Variants in PTPRB observed in about 807,000 individuals in gnomAD.
PTPRB encodes the protein receptor-type tyrosine-protein phosphatase beta.
In PTPRB, 97 loss-of-function variants were observed where a neutral mutation model predicts 238.1. That is an observed-to-expected ratio of 0.41 (90% CI 0.35 to 0.48). PTPRB has a LOEUF of 0.48. PTPRB is among the 20% of genes least tolerant of loss of function. The pLI is 0.30. For synonymous variants in PTPRB, 970 were observed against 995.4 expected (o/e 0.97, Z 0.48); for missense variants, 2,292 against 2,681.9 (o/e 0.85, Z 3.21).
intron 4 of PTPRB, among the ~76,000 whole-genome samples, chr12:70,597,197 C>T (rs1474181394): frequency 6.6e-6 from 1 of 152,166 alleles, no homozygotes; most frequent in African/African-American, 2.4e-5. Context: ...GCTGGGATTA[C>T]AGGCATGAGC....
At chr12:70,586,145 T>A (rs1014244643) in intron 9 of PTPRB, among the ~76,000 whole-genome samples, 1 of 152,146 alleles carries the variant, frequency 6.6e-6, no homozygotes, top group African/African-American at 2.4e-5. Context: ...TGATTTATAA[T>A]CTTTTGGGTA....
chr12:70,571,618 T>G (rs1880059442), intron 12 of PTPRB, among the ~76,000 whole-genome samples: 1 of 152,240 alleles, frequency 6.6e-6, no homozygotes, highest in South Asian at 2.1e-4. Context: ...TTTAGCCTTC[T>G]TGCTCCCTCA....
At chr12:70,625,231 C>A (rs889013264) in intron 2 of PTPRB, among the ~76,000 whole-genome samples, 1 of 152,146 alleles carries the variant, frequency 6.6e-6, no homozygotes, top group South Asian at 2.1e-4. Context: ...TAACATTCAA[C>A]TTCCAAGTTT....
Position 70,596,275 on chromosome 12 carries a change from G to C in PTPRB, c.1032C>G (p.Thr344=). 6.2e-7 allele frequency: 1 copy of C among 1,610,892 alleles called. No homozygotes were observed. The highest frequency in any genetic ancestry group is 1.1e-5 in the South Asian group (1 of 90,688). ...FGVSKEKTTS[T]SLHVWWTPSS... ...AAGGAGTCCACCAAACATGCAAGCT[G>C]GTTGAAGTCGTCTTCTCTTTACTGA... The change falls in exon 5 of 34, where the codon ACC becomes ACG. Residue 344 remains threonine (T), a synonymous_variant. Coordinates refer to ENST00000334414, the MANE Select transcript of PTPRB (RefSeq NM_001109754.4).
intron 3 of PTPRB, chr12:70,609,844 C>A (rs1293142801): frequency 6.4e-7 from 1 of 1,562,032 alleles, no homozygotes; most frequent in African/African-American, 1.4e-5. Context: ...CCAGAGGAGA[C>A]CGAGGGGGCT....
intron 3 of PTPRB, among the ~76,000 whole-genome samples, chr12:70,619,192 G>GTGTA (rs952702211): frequency 2.0e-5 from 3 of 149,722 alleles, no homozygotes; most frequent in African/African-American, 7.4e-5. Context: ...GTGTGTGTGT[G>GTGTA]TATACTCTTC....
intron 28 of PTPRB, among the ~76,000 whole-genome samples, chr12:70,537,724 A>T (rs1003375732): frequency 6.6e-6 from 1 of 152,210 alleles, no homozygotes; most frequent in African/African-American, 2.4e-5. Flanking sequence ...CCACTGCAGT[A>T]TGCCATAGGA....
At chr12:70,573,688 G>T (rs1030104991) in intron 11 of PTPRB, among the ~76,000 whole-genome samples, 56 of 151,730 alleles carry the variant, frequency 3.7e-4, no homozygotes, top group Middle Eastern at 3.4e-3. Context: ...TGTATTTTTA[G>T]TAGAGATGGG....
intron 3 of PTPRB, among the ~76,000 whole-genome samples, chr12:70,619,715 C>T (rs924691535): frequency 1.3e-5 from 2 of 152,164 alleles, no homozygotes; most frequent in African/African-American, 2.4e-5. Flanking sequence ...CCTAACCCAT[C>T]GGTCATCACA....
chr12:70,599,525 T>C (rs1426348104), intron 4 of PTPRB, among the ~76,000 whole-genome samples: 1 of 152,224 alleles, frequency 6.6e-6, no homozygotes, highest in African/African-American at 2.4e-5. Context: ...TCTTGATTAA[T>C]ATATCAATAT....
intron 2 of PTPRB, among the ~76,000 whole-genome samples, chr12:70,623,734 C>T (rs1885051293): frequency 6.6e-6 from 1 of 152,142 alleles, no homozygotes; most frequent in Non-Finnish European, 1.5e-5. Flanking sequence ...TTTTTAACTA[C>T]TCATTTACTG....
At chr12:70,613,883 T>G (rs780490265) in intron 3 of PTPRB, among the ~76,000 whole-genome samples, 1 of 152,082 alleles carries the variant, frequency 6.6e-6, no homozygotes, top group Non-Finnish European at 1.5e-5. Flanking sequence ...AGAATGAATG[T>G]TTAGAATCTT....
chr12:70,537,601 T>C (rs1874370478), intron 28 of PTPRB, among the ~76,000 whole-genome samples: 1 of 152,184 alleles, frequency 6.6e-6, no homozygotes, highest in South Asian at 2.1e-4. Context: ...TCATCAGTTT[T>C]TGGAAAAGAA....
Position 70,635,912 on chromosome 12 carries a change from G to A in PTPRB, c.210C>T (p.Ala70=). The change falls in exon 2 of 34, where the codon GCC becomes GCT. Residue 70 remains alanine, a synonymous_variant. Coordinates refer to ENST00000334414, the MANE Select transcript of PTPRB (RefSeq NM_001109754.4). ...AGGGGCCGCGGGAAGAGTTGGAGAT[G>A]GCCAAGCACAGTGCAGATTTAACAT... ...LLHVKSALCL[A]ISNSSRGPSR... The A allele has an allele frequency of 6.2e-7, 1 of 1,613,824 alleles. No homozygotes were observed. The highest frequency in any genetic ancestry group is 8.5e-7 in the Non-Finnish European group (1 of 1,179,874).
intron 3 of PTPRB, among the ~76,000 whole-genome samples, chr12:70,612,146 A>ACTT (rs1317484639): frequency 6.6e-6 from 1 of 152,206 alleles, no homozygotes; most frequent in African/African-American, 2.4e-5. Flanking sequence ...ACCTTTGCAA[A>ACTT]CTTTAATGTG....
At chr12:70,565,570 T>C (rs1357732218) in intron 15 of PTPRB, among the ~76,000 whole-genome samples, 1 of 152,246 alleles carries the variant, frequency 6.6e-6, no homozygotes, top group East Asian at 1.9e-4. Flanking sequence ...ATGTACTCTT[T>C]ATCACAATGC....
At chr12:70,527,005 A>T (rs888988095) in intron 32 of PTPRB, among the ~76,000 whole-genome samples, 1 of 152,214 alleles carries the variant, frequency 6.6e-6, no homozygotes, top group African/African-American at 2.4e-5. Context: ...TGTGCTTCTC[A>T]CTTTATTCTT....
intron 26 of PTPRB, chr12:70,539,216 C>T (rs1874662186): frequency 1.7e-6 from 1 of 591,440 alleles, no homozygotes; most frequent in African/African-American, 1.9e-5. Flanking sequence ...ACAGGTGAGG[C>T]TCAGTCAGGA....
At chr12:70,534,776 T>G (rs1186498515) in intron 30 of PTPRB, 57 bp downstream of exon 30, 2 of 1,605,300 alleles carry the variant, frequency 1.2e-6, no homozygotes, top group Non-Finnish European at 1.7e-6. Flanking sequence ...AAAGTGGGGT[T>G]CACAGATCTC....
Sources: gnomAD v4.1 joint callset for allele counts (sites outside exome capture counted in the v4.1 genomes callset) on GRCh38, gnomAD v4.1.1 for gene constraint, MANE v1.5 for transcripts, NCBI Gene and HGNC (gene_info 2026-07-23, HGNC 2026-07-21) for gene names.